The following SIN3A variants were observed in gnomAD, a reference collection of about 807,000 sequenced individuals.
SIN3A encodes paired amphipathic helix protein Sin3a.
In SIN3A, 14 loss-of-function variants were observed where a neutral mutation model predicts 146.1. The observed-to-expected ratio is 0.10, with a 90% CI of 0.06 to 0.15. SIN3A has a LOEUF of 0.15. Ranked by LOEUF, SIN3A falls within the 10% of genes least tolerant of loss-of-function variation. The pLI is 1.00. For missense variants in SIN3A, 1,028 were observed against 1,576.0 expected (o/e 0.65, Z 5.89); for synonymous variants, 572 against 572.0 (o/e 1.00, Z 0.00).
intron 6 of SIN3A, among the ~76,000 whole-genome samples, chr15:75,410,848 C>T (rs564445388): frequency 6.8e-6 from 1 of 146,146 alleles, no homozygotes; most frequent in African/African-American, 2.5e-5. Flanking sequence ...CCAGCCTGGC[C>T]AACATGTTGA....
At chr15:75,442,152 A>AAAAC (rs1567424385) in intron 1 of SIN3A, among the ~76,000 whole-genome samples, 1 of 135,136 alleles carries the variant, frequency 7.4e-6, no homozygotes, top group Non-Finnish European at 1.6e-5. Flanking sequence ...AAAAAAAAAA[A>AAAAC]ACTGATTTTT....
At chr15:75,385,249 A>G (rs1377608236) in intron 16 of SIN3A, among the ~76,000 whole-genome samples, 1 of 152,204 alleles carries the variant, frequency 6.6e-6, no homozygotes, top group Non-Finnish European at 1.5e-5. Flanking sequence ...TAAGTATTTA[A>G]GAAATAGCTG....
upstream of SIN3A, chr15:75,455,590 C>A (rs1005557150): frequency 6.6e-6 from 1 of 152,336 alleles, no homozygotes; most frequent in Admixed American, 6.6e-5. Flanking sequence ...CACTGGCGAG[C>A]GGGCGGCGCC....
At chr15:75,402,139 T>C (rs903841987) in intron 9 of SIN3A, among the ~76,000 whole-genome samples, 169 bp from the exon 10 acceptor site, 1 of 152,020 alleles carries the variant, frequency 6.6e-6, no homozygotes, top group Non-Finnish European at 1.5e-5. Context: ...TGAGCCACCA[T>C]GCCTGGCTAA....
At chr15:75,390,715 T>C (rs1188719029) in intron 15 of SIN3A, among the ~76,000 whole-genome samples, 1 of 152,198 alleles carries the variant, frequency 6.6e-6, no homozygotes, top group African/African-American at 2.4e-5. Context: ...CTGATTTGTA[T>C]ACTTTTCTAT....
intron 1 of SIN3A, chr15:75,436,447 G>C (rs2074109840): frequency 1.3e-5 from 2 of 151,892 alleles, no homozygotes; most frequent in Admixed American, 1.3e-4. Flanking sequence ...CTCGAGCCTG[G>C]ACAAAAAAGA....
At chr15:75,387,971 C>G (rs902061663) in intron 16 of SIN3A, among the ~76,000 whole-genome samples, 16 of 152,166 alleles carry the variant, frequency 1.1e-4, no homozygotes, top group African/African-American at 3.9e-4. Flanking sequence ...AACTTTCCCC[C>G]AGATGTTAAG....
chr15:75,420,364 T>A (rs187539828), intron 3 of SIN3A: 1 of 152,212 alleles, frequency 6.6e-6, no homozygotes, highest in East Asian at 1.9e-4. Flanking sequence ...GTGTAAGCAT[T>A]CTCACTGAAC....
At chr15:75,441,163 A>G (rs2074203370) in intron 1 of SIN3A, among the ~76,000 whole-genome samples, 1 of 152,042 alleles carries the variant, frequency 6.6e-6, no homozygotes, top group East Asian at 1.9e-4. Flanking sequence ...CAAAAAAATT[A>G]GCCGGGCATG....
upstream of SIN3A, among the ~76,000 whole-genome samples, chr15:75,455,427 G>A (rs924495427): frequency 1.3e-5 from 2 of 152,152 alleles, no homozygotes; most frequent in Non-Finnish European, 2.9e-5. Flanking sequence ...CAGGAGTCGG[G>A]GGTCTCCTGC....
intron 19 of SIN3A, among the ~76,000 whole-genome samples, chr15:75,378,896 A>ATG (rs1279990173): frequency 6.7e-6 from 1 of 149,266 alleles, no homozygotes; most frequent in Non-Finnish European, 1.5e-5. Context: ...GGATATATAT[A>ATG]TATATATATA....
At chr15:75,408,499 C>G (rs1367061786) in intron 8 of SIN3A, among the ~76,000 whole-genome samples, 1 of 152,210 alleles carries the variant, frequency 6.6e-6, no homozygotes, top group Admixed American at 6.5e-5. Context: ...ACATATCTGT[C>G]TCTTCTATAT....
intron 12 of SIN3A, among the ~76,000 whole-genome samples, chr15:75,399,302 G>C (rs1250305094): frequency 1.3e-5 from 2 of 152,172 alleles, no homozygotes; most frequent in Non-Finnish European, 2.9e-5. Flanking sequence ...GCCGAGACGG[G>C]TGGATCACGA....
chr15:75,396,623 C>G, intron 12 of SIN3A, 127 bp from the exon 13 acceptor site: 1 of 659,304 alleles, frequency 1.5e-6, no homozygotes, highest in East Asian at 2.7e-5. Context: ...CTACTAGCTA[C>G]ATAAGACTGT....
At chr15:75,438,301 G>A (rs1053015543) in intron 1 of SIN3A, among the ~76,000 whole-genome samples, 1 of 152,056 alleles carries the variant, frequency 6.6e-6, no homozygotes, top group African/African-American at 2.4e-5. Context: ...GGGTGCGGAG[G>A]GTGCAGTGAG....
At position 75,371,748 on chromosome 15, in the gene SIN3A, C is replaced by T. The variant is rs1335306721; in HGVS notation, c.*231G>A. ...CCTTCCCCTCCAGGGCAGGCTATAC[C>T]CAAAACCCTTTGGGAAAAGTTCCAG... On this transcript the variant is annotated 3_prime_UTR_variant, in exon 21 of 21. Coordinates refer to ENST00000394947, the MANE Select transcript of SIN3A (RefSeq NM_001145358.2). 2 of 545,202 alleles carry T rather than the reference C, an allele frequency of 3.7e-6. No individual in the cohort carries two copies. The highest frequency in any genetic ancestry group is 6.1e-5 in the East Asian group (2 of 32,936). The allele number at this position is 545,202 out of a possible 1,614,324, so 33.8% of individuals were successfully genotyped here.
intron 1 of SIN3A, among the ~76,000 whole-genome samples, chr15:75,450,594 T>C (rs914833579): frequency 5.3e-5 from 8 of 152,146 alleles, no homozygotes; most frequent in African/African-American, 9.7e-5. Context: ...GGGGTGACCA[T>C]GCTCCCACTC....
chr15:75,455,381 C>A (rs149979793), upstream of SIN3A, among the ~76,000 whole-genome samples: 137 of 152,308 alleles, frequency 9.0e-4, no homozygotes, highest in African/African-American at 3.2e-3. Context: ...TCCCCCTTTT[C>A]TTTCCAGTAT....
intron 9 of SIN3A, among the ~76,000 whole-genome samples, chr15:75,406,030 G>C (rs2073505977): frequency 6.6e-6 from 1 of 152,128 alleles, no homozygotes; most frequent in Admixed American, 6.5e-5. Flanking sequence ...CAGACAGAAA[G>C]GGATCAGGAG....
Sources: allele counts gnomAD v4.1 joint callset (sites outside exome capture counted in the v4.1 genomes callset), GRCh38; gene constraint gnomAD v4.1.1; transcripts MANE v1.5; gene names NCBI Gene and HGNC (gene_info 2026-07-23, HGNC 2026-07-21).